SEMA6D: variants seen among roughly 807,000 people sequenced by gnomAD.
SEMA6D encodes semaphorin-6D.
In SEMA6D, 35 loss-of-function variants were observed where a neutral mutation model predicts 106.6. That is an observed-to-expected ratio of 0.33 (90% CI 0.25 to 0.44). The LOEUF is 0.44. SEMA6D is among the 20% of genes least tolerant of loss of function. SEMA6D has a pLI of 1.00. For synonymous variants in SEMA6D, 499 were observed against 487.7 expected (o/e 1.02, Z -0.31); for missense variants, 1,185 against 1,345.9 (o/e 0.88, Z 1.87).
At chr15:47,518,907 A>G (rs1417212352) in intron 3 of SEMA6D, among the ~76,000 whole-genome samples, 6 of 152,014 alleles carry the variant, frequency 3.9e-5, no homozygotes, top group African/African-American at 1.5e-4. Context: ...TTTTTTTTAT[A>G]GGTAGAAGGA....
intron 3 of SEMA6D, among the ~76,000 whole-genome samples, chr15:47,519,516 C>T (rs1361153553): frequency 3.3e-5 from 5 of 152,022 alleles, no homozygotes; most frequent in Non-Finnish European, 1.5e-5. Flanking sequence ...GGTTTTATTC[C>T]GTAAACAACA....
chr15:47,726,288 A>AGGACT (rs1376544760), intron 1 of SEMA6D, among the ~76,000 whole-genome samples: 1 of 152,292 alleles, frequency 6.6e-6, no homozygotes, highest in African/African-American at 2.4e-5. Flanking sequence ...CTGGGAGTAT[A>AGGACT]GGACTAATAG....
At chr15:47,395,450 T>G (rs2040182973) in intron 1 of SEMA6D, 1 of 152,262 alleles carries the variant, frequency 6.6e-6, no homozygotes, top group Admixed American at 6.5e-5. Flanking sequence ...TACATCATTT[T>G]TCTTTTTCAA....
intron 4 of SEMA6D, among the ~76,000 whole-genome samples, chr15:47,613,701 T>C (rs1476966580): frequency 6.6e-6 from 1 of 152,104 alleles, no homozygotes; most frequent in Admixed American, 6.5e-5. Flanking sequence ...GCTGGAGTGC[T>C]GGAGTGTGGT....
At chr15:47,288,030 C>T (rs1041346306) in intron 1 of SEMA6D, among the ~76,000 whole-genome samples, 1 of 152,072 alleles carries the variant, frequency 6.6e-6, no homozygotes, top group African/African-American at 2.4e-5. Context: ...GGTGGGGGCA[C>T]ACACTTTAAA....
intron 1 of SEMA6D, among the ~76,000 whole-genome samples, chr15:47,330,948 G>A (rs1055478924): frequency 6.6e-6 from 1 of 152,206 alleles, no homozygotes; most frequent in African/African-American, 2.4e-5. Flanking sequence ...GAGACACTAT[G>A]CTGGAAGTGA....
chr15:47,258,441 G>C (rs916441939), intron 1 of SEMA6D, among the ~76,000 whole-genome samples: 11 of 152,134 alleles, frequency 7.2e-5, no homozygotes, highest in Non-Finnish European at 1.5e-4. Context: ...GATAATACTT[G>C]TCATGTGTAC....
chr15:47,228,521 A>C (rs989669029), intron 1 of SEMA6D, among the ~76,000 whole-genome samples: 1 of 152,016 alleles, frequency 6.6e-6, no homozygotes, highest in Non-Finnish European at 1.5e-5. Context: ...TCCTAGTTGA[A>C]GTCACTCATA....
chr15:47,427,409 G>T (rs919386756), intron 2 of SEMA6D, among the ~76,000 whole-genome samples: 1 of 152,152 alleles, frequency 6.6e-6, no homozygotes, highest in Non-Finnish European at 1.5e-5. Flanking sequence ...AATGCGCTGA[G>T]AAATATTACA....
At chr15:47,542,347 A>G (rs1336020708) in intron 3 of SEMA6D, among the ~76,000 whole-genome samples, 1 of 152,204 alleles carries the variant, frequency 6.6e-6, no homozygotes, top group African/African-American at 2.4e-5. Context: ...TAAATTGGCA[A>G]CAAGTCACCA....
chr15:47,671,119 A>G (rs767338174), intron 4 of SEMA6D, among the ~76,000 whole-genome samples: 2 of 152,224 alleles, frequency 1.3e-5, no homozygotes, highest in Non-Finnish European at 2.9e-5. Context: ...CTCATTACAC[A>G]TAGCACATAA....
chr15:47,237,390 C>T (rs2032618177), intron 1 of SEMA6D, among the ~76,000 whole-genome samples: 1 of 152,204 alleles, frequency 6.6e-6, no homozygotes, highest in East Asian at 1.9e-4. Context: ...TTCTATTTTG[C>T]CACGTTGGAA....
At chr15:47,317,987 C>T (rs28609405) in intron 1 of SEMA6D, among the ~76,000 whole-genome samples, 5 of 144,014 alleles carry the variant, frequency 3.5e-5, no homozygotes, top group South Asian at 2.2e-4. Flanking sequence ...TTCCCACTTT[C>T]TGCTTATGTT....
chr15:47,683,840 T>A (rs2078412294), intron 4 of SEMA6D, among the ~76,000 whole-genome samples: 1 of 152,192 alleles, frequency 6.6e-6, no homozygotes, highest in Non-Finnish European at 1.5e-5. Flanking sequence ...AGACATTGTG[T>A]CTTCACTGAG....
At position 47,379,203 on chromosome 15, in the gene SEMA6D, T is replaced by G. The variant is rs984234862; in HGVS notation, c.-238-33190T>G. Among the ~76,000 whole-genome samples, 33 of 152,240 alleles carry G rather than the reference T, an allele frequency of 2.2e-4. 1 individual carries two copies. The highest frequency in any genetic ancestry group is 2.2e-3 in the Admixed American group (33 of 15,288). On this transcript the variant is annotated intron_variant, in intron 1 of 19. Transcript: ENST00000558014. ...GTTTACATTTCTCTGACCAAATTTT[T>G]ATAGCTTTTGGGATAGAAATAATGT... is the stretch of plus-strand genomic sequence containing the variant.
At position 47,415,361 on chromosome 15, in the gene SEMA6D, A is replaced by G. The variant is rs565528994; in HGVS notation, c.-159+2889A>G. ...TTATAGAGGAAATGTTTACAATACA[A>G]TCCCTGTCAGTAAGGGGAGTAGAAA... On this transcript the variant is annotated intron_variant, in intron 2 of 19. Coordinates refer to the SEMA6D transcript ENST00000558014. Among the ~76,000 whole-genome samples, 7 of 152,258 alleles carry G rather than the reference A, an allele frequency of 4.6e-5. No individual in the cohort carries two copies. In the East Asian group the frequency reaches 1.4e-3, roughly 29 times the overall value.
intron 1 of SEMA6D, among the ~76,000 whole-genome samples, chr15:47,269,088 A>G (rs965047063): frequency 1.3e-5 from 2 of 152,034 alleles, no homozygotes. Flanking sequence ...CAGCCATTTT[A>G]TATATGATTC....
Position 47,228,399 on chromosome 15 carries a change from C to T in SEMA6D, c.-239+43981C>T, listed in dbSNP as rs571824400. 4.6e-5 allele frequency among the ~76,000 whole-genome samples: 7 copies of T among 151,926 alleles called. No individual in the cohort carries two copies. The South Asian group carries it at 1.0e-3, about 23-fold the overall frequency. On this transcript the variant is annotated intron_variant, in intron 1 of 19. Transcript: ENST00000558014. ...CTATGAGGACTTAATAAACTATTGT[C>T]GGAAAATGGTTGCACAGATCAAATA...
intron 4 of SEMA6D, among the ~76,000 whole-genome samples, chr15:47,612,774 T>A (rs1392414516): frequency 2.0e-5 from 3 of 152,120 alleles, no homozygotes; most frequent in African/African-American, 7.2e-5. Flanking sequence ...TTTTTTATTT[T>A]TTTTTTGGTG....
Sources: allele counts gnomAD v4.1 joint callset (sites outside exome capture counted in the v4.1 genomes callset), GRCh38; gene constraint gnomAD v4.1.1; transcripts MANE v1.5; gene names NCBI Gene and HGNC (gene_info 2026-07-23, HGNC 2026-07-21).